The following AGBL1 variants were observed in gnomAD, a reference collection of about 807,000 sequenced individuals.
AGBL1 encodes the protein cytosolic carboxypeptidase 4.
AGBL1 carries 130 observed loss-of-function variants against 118.9 expected under a neutral mutation model. That is an observed-to-expected ratio of 1.09 (90% CI 0.95 to 1.26). The LOEUF (loss-of-function observed/expected upper bound fraction) is 1.26, where lower values mean the gene tolerates loss of function less well. Ranked by LOEUF, AGBL1 falls within the 50% of genes most tolerant of loss-of-function variation. The pLI, the probability that AGBL1 is intolerant of heterozygous loss-of-function variation, is 0.00. For missense variants in AGBL1, 1,584 were observed against 1,298.1 expected (o/e 1.22, Z -3.38); for synonymous variants, 555 against 478.9 (o/e 1.16, Z -2.08).
rs549808014 is a variant in AGBL1 at position 86,440,529 on chromosome 15, A to T, written c.2555+42983A>T. Among the ~76,000 whole-genome samples the T allele has an allele frequency of 3.8e-5, 5 of 129,896 alleles. No homozygotes were observed. In the East Asian group the frequency reaches 9.6e-4, roughly 25 times the overall value. The allele number at this position is 129,896 out of a possible 152,430, so 85.2% of individuals were successfully genotyped here. On this transcript the variant is annotated intron_variant, in intron 18 of 22. Transcript: ENST00000614907. ...ATAATAATAACAGTTAATGGAAGTT[A>T]ACCAGTTTATTCCAGGCAATGTGCC...
chr15:86,835,659 G>C (rs952340228), intron 22 of AGBL1, among the ~76,000 whole-genome samples: 6 of 152,156 alleles, frequency 3.9e-5, no homozygotes, highest in Non-Finnish European at 8.8e-5. Context: ...TCCCTAACAA[G>C]TTAGTAGGTG....
chr15:86,233,221 T>C (rs1387740158), intron 6 of AGBL1, among the ~76,000 whole-genome samples: 1 of 152,226 alleles, frequency 6.6e-6, no homozygotes, highest in Non-Finnish European at 1.5e-5. Flanking sequence ...CTGGGTTCAA[T>C]GCAGCCATTG....
chr15:86,926,773 G>A (rs2080545609), intron 23 of AGBL1, among the ~76,000 whole-genome samples: 2 of 152,122 alleles, frequency 1.3e-5, no homozygotes, highest in African/African-American at 2.4e-5. Context: ...GATACCACAG[G>A]GCAATCACCA....
At position 87,005,128 on chromosome 15, in the gene AGBL1, TC is replaced by T. The variant is rs1278819563; in HGVS notation, c.3323+17042del. Among the ~76,000 whole-genome samples, 9 of 152,342 alleles carry T rather than the reference TC, an allele frequency of 5.9e-5. No individual in the cohort carries two copies. In the East Asian group the frequency reaches 1.7e-3, roughly 29 times the overall value. On this transcript the variant is annotated intron_variant, in intron 24 of 24. Transcript: ENST00000441037. ...CTCTCTGGCTGCCCTTAACATTTTTTCCTTCATTTCAACTTTGGTGAATCTG... is the reference window on the plus strand; with the variant it reads ...CTCTCTGGCTGCCCTTAACATTTTTTCTTCATTTCAACTTTGGTGAATCTG...
chr15:86,212,943 C>A lies in AGBL1; in HGVS notation c.489-11971C>A, dbSNP rs147878495. 2.9e-3 allele frequency among the ~76,000 whole-genome samples: 437 copies of A among 152,296 alleles called. 4 individuals carry two copies. Among genetic ancestry groups the A allele is most frequent in the African/African-American group, 0.01 (423 of 41,554 alleles). On this transcript the variant is annotated intron_variant, in intron 5 of 22. Coordinates refer to ENST00000614907, the MANE Select transcript of AGBL1 (RefSeq NM_001386094.1). ...GGGATTACAGGCATGGGCCACTGTA[C>A]CTGGACGACAGTTTTATTGAAGTCT...
intron 24 of AGBL1, among the ~76,000 whole-genome samples, chr15:87,004,261 T>G (rs941633171): frequency 2.0e-5 from 3 of 152,152 alleles, no homozygotes; most frequent in Admixed American, 6.5e-5. Flanking sequence ...TCAGTTTCCA[T>G]GTAGCTGAGT....
intron 22 of AGBL1, 91 bp downstream of exon 22, chr15:86,674,527 T>G: frequency 7.7e-7 from 1 of 1,292,968 alleles, no homozygotes; most frequent in Non-Finnish European, 1.1e-6. Flanking sequence ...GACCTAGGGG[T>G]CTTTACACAG....
chr15:86,590,150 G>A (rs934792876), intron 21 of AGBL1, among the ~76,000 whole-genome samples: 28 of 152,126 alleles, frequency 1.8e-4, no homozygotes, highest in Non-Finnish European at 2.8e-4. Flanking sequence ...ATGGGAGCTC[G>A]GACAATGGCC....
At chr15:86,192,969 A>G (rs2077746645) in intron 5 of AGBL1, among the ~76,000 whole-genome samples, 1 of 152,266 alleles carries the variant, frequency 6.6e-6, no homozygotes, top group Non-Finnish European at 1.5e-5. Flanking sequence ...CCAAAAAGAG[A>G]TTTTAATTTT....
chr15:86,665,754 A>G (rs965851474), intron 21 of AGBL1, among the ~76,000 whole-genome samples: 3 of 151,868 alleles, frequency 2.0e-5, no homozygotes, highest in East Asian at 3.9e-4. Flanking sequence ...TTAACTCTTT[A>G]ATCAAAATAA....
chr15:86,600,796 AAG>A (rs2084481263), intron 21 of AGBL1, among the ~76,000 whole-genome samples: 1 of 152,124 alleles, frequency 6.6e-6, no homozygotes, highest in South Asian at 2.1e-4. Flanking sequence ...GAGAATATAA[AAG>A]AGAGAAAAAT....
intron 22 of AGBL1, among the ~76,000 whole-genome samples, chr15:86,814,371 C>G (rs1271107198): frequency 1.3e-5 from 2 of 152,198 alleles, no homozygotes; most frequent in Non-Finnish European, 2.9e-5. Context: ...AAACCAGTCC[C>G]TGGTGCCAAA....
intron 22 of AGBL1, among the ~76,000 whole-genome samples, chr15:86,869,258 A>G (rs1449708540): frequency 6.6e-6 from 1 of 151,640 alleles, no homozygotes; most frequent in Non-Finnish European, 1.5e-5. Flanking sequence ...TGCAAAAGCC[A>G]CCCCCCACCG....
At chr15:86,184,175 C>G (rs933680212) in intron 5 of AGBL1, among the ~76,000 whole-genome samples, 1 of 152,084 alleles carries the variant, frequency 6.6e-6, no homozygotes, top group African/African-American at 2.4e-5. Flanking sequence ...TTGGGAGAAC[C>G]CAAATATTGA....
At chr15:86,093,944 G>C (rs934670052) in intron 1 of AGBL1, among the ~76,000 whole-genome samples, 6 of 152,044 alleles carry the variant, frequency 3.9e-5, no homozygotes, top group African/African-American at 1.4e-4. Flanking sequence ...CTGAAATACT[G>C]CCTTTAAGTG....
chr15:86,710,595 C>A (rs1457788670), intron 22 of AGBL1, among the ~76,000 whole-genome samples: 2 of 152,112 alleles, frequency 1.3e-5, no homozygotes, highest in African/African-American at 4.8e-5. Context: ...GCTATTGGAC[C>A]AGCTAGAAGA....
chr15:86,637,815 A>G (rs79302132), intron 21 of AGBL1, among the ~76,000 whole-genome samples: 2,067 of 152,304 alleles, frequency 0.014, 41 homozygotes, highest in East Asian at 0.097. Flanking sequence ...TGTCATCTGA[A>G]CTTTGTCATG....
intron 17 of AGBL1, among the ~76,000 whole-genome samples, chr15:86,326,928 CT>C (rs772129735): frequency 0.049 from 6,727 of 138,158 alleles, 166 homozygotes; most frequent in African/African-American, 0.087. Context: ...TTTTCTTTTT[CT>C]TTTTTTTTTT....
chr15:86,709,584 A>G (rs2086517642), intron 22 of AGBL1, among the ~76,000 whole-genome samples: 1 of 152,208 alleles, frequency 6.6e-6, no homozygotes, highest in South Asian at 2.1e-4. Context: ...TATGAAATAC[A>G]TAATGATATC....
Sources: gnomAD v4.1 joint callset for allele counts (sites outside exome capture counted in the v4.1 genomes callset) on GRCh38, gnomAD v4.1.1 for gene constraint, MANE v1.5 for transcripts, NCBI Gene and HGNC (gene_info 2026-07-23, HGNC 2026-07-21) for gene names.